Variants in AHNAK observed in about 807,000 individuals in gnomAD.
The protein encoded by AHNAK is neuroblast differentiation-associated protein AHNAK.
Under a neutral mutation model 37.8 loss-of-function variants are expected in AHNAK, and 23 were observed. That is an observed-to-expected ratio of 0.61 (90% CI 0.44 to 0.86). The LOEUF (loss-of-function observed/expected upper bound fraction) is 0.86. Ranked by LOEUF, AHNAK falls within the 40% of genes least tolerant of loss-of-function variation. The probability of loss-of-function intolerance (pLI) is 0.00; values close to 1 mark genes in which losing one functional copy is unlikely to be tolerated. For synonymous variants in AHNAK, 2,481 were observed against 2,636.3 expected (o/e 0.94, Z 1.80); for missense variants, 7,411 against 7,319.4 (o/e 1.01, Z -0.46).
At chr11:62,535,920 C>T (rs752591572) in intron 3 of AHNAK, 25 bp downstream of exon 3, 2 of 1,597,502 alleles carry the variant, frequency 1.3e-6, no homozygotes, top group Non-Finnish European at 1.7e-6. Flanking sequence ...CACCAGCACC[C>T]AGTCCACACC....
downstream of AHNAK, among the ~76,000 whole-genome samples, chr11:62,511,913 A>T (rs1326201842): frequency 6.6e-6 from 1 of 151,996 alleles, no homozygotes; most frequent in Non-Finnish European, 1.5e-5. Flanking sequence ...CCGTGGCACA[A>T]TCTTGGTTCA....
At chr11:62,541,712 G>A (rs1211223782) in intron 1 of AHNAK, among the ~76,000 whole-genome samples, 1 of 152,202 alleles carries the variant, frequency 6.6e-6, no homozygotes, top group Non-Finnish European at 1.5e-5. Context: ...ATGATGCTAT[G>A]TCAAAAGAAT....
At chr11:62,469,107 A>T (rs118123248) in intron 5 of AHNAK, among the ~76,000 whole-genome samples, 2 of 151,962 alleles carry the variant, frequency 1.3e-5, no homozygotes, top group South Asian at 4.2e-4. Flanking sequence ...GCCCGGCCCA[A>T]TTGGGATCTC....
intron 5 of AHNAK, among the ~76,000 whole-genome samples, chr11:62,481,949 C>A (rs1052467206): frequency 6.6e-6 from 1 of 152,140 alleles, no homozygotes; most frequent in Admixed American, 6.6e-5. Context: ...CCTCTTGCCC[C>A]ATCTCCCCCA....
Position 62,530,228 on chromosome 11 carries a change from C to T in AHNAK, c.4189G>A (p.Gly1397Arg), listed in dbSNP as rs1738762518. 4 of 1,612,846 alleles carry T rather than the reference C, an allele frequency of 2.5e-6. No homozygotes were observed. The African/African-American group carries it at 4.0e-5, about 16-fold the overall frequency. Residue 1397 changes from glycine to arginine, a missense_variant, in exon 5 of 5, where the codon GGA (glycine) becomes AGA (arginine). Gly to Arg is a moderately radical substitution (Grantham distance 125). Transcript: ENST00000378024. ...MPKFSMPGFKGEGPEVDVKLP... is the reference protein window; with the variant it reads ...MPKFSMPGFKREGPEVDVKLP... The stretch of plus-strand genomic sequence containing the variant: ...TTCACATCCACTTCAGGGCCCTCTC[C>T]TTTGAAGCCGGGCATGCTGAACTTG...
At chr11:62,463,609 C>T (rs952415443) in intron 5 of AHNAK, among the ~76,000 whole-genome samples, 5 of 152,118 alleles carry the variant, frequency 3.3e-5, no homozygotes, top group Admixed American at 2.6e-4. Flanking sequence ...TCCCACTGTG[C>T]GTGCTGTCAG....
At chr11:62,459,750 C>T (rs929209305) in intron 5 of AHNAK, among the ~76,000 whole-genome samples, 1 of 152,170 alleles carries the variant, frequency 6.6e-6, no homozygotes, top group Non-Finnish European at 1.5e-5. Context: ...AACTGAGACA[C>T]ACAGAGGTCA....
chr11:62,488,231 C>T (rs1032502523), intron 5 of AHNAK, among the ~76,000 whole-genome samples: 1 of 152,148 alleles, frequency 6.6e-6, no homozygotes, highest in African/African-American at 2.4e-5. Flanking sequence ...TCCCAATTCC[C>T]TTGAAATCCC....
chr11:62,451,544 C>G (rs1199437501), intron 5 of AHNAK, among the ~76,000 whole-genome samples: 5 of 151,970 alleles, frequency 3.3e-5, no homozygotes, highest in African/African-American at 1.2e-4. Context: ...TCAAGACCAG[C>G]CTGGACAACA....
chr11:62,489,524 A>G (rs546162548), intron 5 of AHNAK, among the ~76,000 whole-genome samples: 1 of 152,338 alleles, frequency 6.6e-6, no homozygotes, highest in South Asian at 2.1e-4. Flanking sequence ...AAGAGCTAAG[A>G]CAGGCAGACA....
chr11:62,473,919 G>C (rs1939091652), intron 5 of AHNAK, among the ~76,000 whole-genome samples: 1 of 151,314 alleles, frequency 6.6e-6, no homozygotes, highest in African/African-American at 2.4e-5. Flanking sequence ...AGGATCACTG[G>C]AGGCTTGGAG....
intron 5 of AHNAK, among the ~76,000 whole-genome samples, chr11:62,460,083 A>C (rs1938750983): frequency 6.7e-6 from 1 of 149,540 alleles, no homozygotes; most frequent in Non-Finnish European, 1.5e-5. Flanking sequence ...GCACCATTGC[A>C]CTCCAGCCTG....
intron 4 of AHNAK, among the ~76,000 whole-genome samples, chr11:62,500,190 TG>T (rs531655883): frequency 1.3e-5 from 2 of 152,232 alleles, no homozygotes; most frequent in Non-Finnish European, 2.9e-5. Context: ...TTAAGGATCC[TG>T]TATTCCAGAT....
intron 1 of AHNAK, among the ~76,000 whole-genome samples, chr11:62,540,481 G>A (rs956636498): frequency 3.9e-5 from 6 of 152,028 alleles, no homozygotes; most frequent in Non-Finnish European, 7.4e-5. Flanking sequence ...CACACAGCCC[G>A]GTGGTCCACC....
chr11:62,497,258 G>A (rs1939627595), intron 4 of AHNAK, among the ~76,000 whole-genome samples: 1 of 152,192 alleles, frequency 6.6e-6, no homozygotes. Flanking sequence ...GGGACTGAAT[G>A]ATTGGCATTG....
chr11:62,533,918 G>T lies in AHNAK; in HGVS notation c.499C>A (p.Arg167=). Reference sequence around the variant, plus strand: ...ATGTCTATGTCCTTGGCTCCTTCCCGGCCAGTCACATCCACAGTGTAGGCC... The same window carrying T: ...ATGTCTATGTCCTTGGCTCCTTCCCTGCCAGTCACATCCACAGTGTAGGCC... ...VTAYTVDVTG[R]EGAKDIDISS... Residue 167 remains arginine, a synonymous_variant, in exon 5 of 5, where the codon CGG becomes AGG. Transcript: ENST00000378024. 6.2e-7 allele frequency: 1 copy of T among 1,614,032 alleles called. No individual in the cohort carries two copies. The highest frequency in any genetic ancestry group is 1.1e-5 in the South Asian group (1 of 91,070).
Position 62,527,090 on chromosome 11 carries a change from T to C in AHNAK, c.7327A>G (p.Met2443Val). 6.2e-7 allele frequency: 1 copy of C among 1,614,168 alleles called. No individual in the cohort carries two copies. Among genetic ancestry groups the C allele is most frequent in the Admixed American group, 1.7e-5 (1 of 60,024 alleles). The change falls in exon 5 of 5, where the codon ATG becomes GTG. Residue 2443 changes from methionine (M) to valine (V), a missense_variant. Coordinates refer to ENST00000378024, the MANE Select transcript of AHNAK (RefSeq NM_001620.3). Reference protein sequence around the residue: ...EGKLKGPKFKMPDMHFKAPNI... With the variant: ...EGKLKGPKFKVPDMHFKAPNI... Reference sequence around the variant, plus strand: ...GGGGCTTTGAAATGCATATCAGGCATCTTGAACTTAGGGCCTTTCAATTTG... The same window carrying C: ...GGGGCTTTGAAATGCATATCAGGCACCTTGAACTTAGGGCCTTTCAATTTG...
At chr11:62,541,820 AC>A (rs1353296900) in intron 1 of AHNAK, 1 of 152,120 alleles carries the variant, frequency 6.6e-6, no homozygotes, top group African/African-American at 2.4e-5. Flanking sequence ...GGAGTCTCTG[AC>A]CCCCAAGGCC....
At position 62,532,660 on chromosome 11, in the gene AHNAK, C is replaced by A; in HGVS notation, c.1757G>T (p.Gly586Val). The A allele has an allele frequency of 2.5e-6, 4 of 1,613,994 alleles. No homozygotes were observed. Among genetic ancestry groups the A allele is most frequent in the Non-Finnish European group, 3.4e-6 (4 of 1,179,988 alleles). ...LNVAAPKVKG[G>V]VDVTLPRVEG... ...TACTCTGGGGAGTGTGACATCTACA[C>A]CCCCTTTCACTTTAGGTGCGGCCAC... Residue 586 changes from glycine (G) to valine (V), a missense_variant, in exon 5 of 5, where the codon GGT becomes GTT. Gly to Val is a moderately radical substitution (Grantham distance 109). Coordinates refer to ENST00000378024, the MANE Select transcript of AHNAK (RefSeq NM_001620.3).
Sources: allele counts gnomAD v4.1 joint callset (sites outside exome capture counted in the v4.1 genomes callset), GRCh38; gene constraint gnomAD v4.1.1; transcripts MANE v1.5; gene names NCBI Gene and HGNC (gene_info 2026-07-23, HGNC 2026-07-21).